SH3BGRL: variants seen among roughly 807,000 people sequenced by gnomAD.
SH3BGRL encodes the protein SH3 domain binding glutamate rich protein like.
SH3BGRL carries 7 observed loss-of-function variants against 9.8 expected under a neutral mutation model. The observed-to-expected ratio is 0.72, with a 90% CI of 0.41 to 1.35. The LOEUF (loss-of-function observed/expected upper bound fraction) is 1.35. Among genes scored for constraint, SH3BGRL ranks in the 40% most tolerant of loss-of-function variants. SH3BGRL has a pLI of 0.01. For missense variants in SH3BGRL, 73 were observed against 84.4 expected, an observed-to-expected ratio of 0.86 and a Z score of 0.53; for synonymous variants, 36 against 29.1, an observed-to-expected ratio of 1.24 and a Z score of -0.76.
chrX:81,262,176 T>C (rs770552149), intron 1 of SH3BGRL, among the ~76,000 whole-genome samples: 4 of 111,342 alleles, frequency 3.6e-5, no homozygotes, highest in African/African-American at 1.3e-4. Context: ...GGAGCTTTTA[T>C]AAAAGCACCT....
At chrX:81,287,276 G>C (rs1181787662) in intron 3 of SH3BGRL, among the ~76,000 whole-genome samples, 1 of 111,756 alleles carries the variant, frequency 8.9e-6, no homozygotes, top group Admixed American at 9.5e-5. Context: ...AAAAATCATA[G>C]ATGAAAATGA....
chrX:81,237,233 A>G (rs767583172), intron 1 of SH3BGRL: 11 of 351,716 alleles, frequency 3.1e-5, no homozygotes, highest in Admixed American at 2.2e-4. Flanking sequence ...CAATTTAACA[A>G]CTATCTACAT....
intron 3 of SH3BGRL, among the ~76,000 whole-genome samples, chrX:81,290,617 G>C (rs2075854537): frequency 1.8e-5 from 2 of 110,309 alleles, no homozygotes; most frequent in Non-Finnish European, 3.8e-5. Context: ...TTGGTTAATG[G>C]CACAAAAAAC....
intron 1 of SH3BGRL, among the ~76,000 whole-genome samples, chrX:81,219,077 A>G (rs1029004813): frequency 5.5e-5 from 6 of 109,930 alleles, no homozygotes; most frequent in African/African-American, 2.0e-4. Flanking sequence ...TGGCCTTGCT[A>G]GAGATCTAGA....
At chrX:81,251,504 T>A (rs1353846474) in intron 1 of SH3BGRL, among the ~76,000 whole-genome samples, 3 of 111,274 alleles carry the variant, frequency 2.7e-5, no homozygotes, top group Non-Finnish European at 5.7e-5. Context: ...ATTGTGCTGT[T>A]TAGTTTGAAT....
intron 1 of SH3BGRL, among the ~76,000 whole-genome samples, chrX:81,219,721 GT>G (rs1173169897): frequency 9.0e-6 from 1 of 111,120 alleles, no homozygotes; most frequent in Non-Finnish European, 1.9e-5. Flanking sequence ...AAGCCTTTCA[GT>G]TTTTTTCCCA....
At chrX:81,214,304 G>A (rs187143682) in intron 1 of SH3BGRL, among the ~76,000 whole-genome samples, 20 of 111,617 alleles carry the variant, frequency 1.8e-4, no homozygotes, top group Non-Finnish European at 3.6e-4. Flanking sequence ...TTAAGAAATG[G>A]AGCAAATAAT....
chrX:81,241,723 C>T (rs746526711), intron 1 of SH3BGRL, among the ~76,000 whole-genome samples: 19 of 111,911 alleles, frequency 1.7e-4, no homozygotes, highest in East Asian at 2.8e-4. Context: ...AGGGGGTCCC[C>T]GAGCCAGAGA....
chrX:81,289,142 T>C (rs2075847702), intron 3 of SH3BGRL, among the ~76,000 whole-genome samples: 1 of 112,106 alleles, frequency 8.9e-6, no homozygotes, highest in Admixed American at 9.4e-5. Flanking sequence ...GTGAACTCAT[T>C]TTTGACAAAG....
intron 1 of SH3BGRL, among the ~76,000 whole-genome samples, chrX:81,243,546 T>C (rs1051187844): frequency 2.7e-5 from 3 of 111,451 alleles, no homozygotes; most frequent in Non-Finnish European, 5.7e-5. Context: ...ATAATTGTAT[T>C]GTTTATAGCA....
rs900822782 is a variant in SH3BGRL, at chrX:81,278,372, G to A, written c.273G>A (p.Val91=). ...TTGAAGCCAGAGAAAATAATGCAGT[G>A]TATGCCTTCTTAGGCTTGACAGCCC... ...AFFEARENNA[V]YAFLGLTAPP... is the part of the protein sequence containing the mutation. The change falls in exon 3 of 4, where the codon GTG becomes GTA. Residue 91 remains valine, a synonymous_variant. Coordinates refer to ENST00000373212, the MANE Select transcript of SH3BGRL (RefSeq NM_003022.3). The A allele has an allele frequency of 8.3e-7, 1 of 1,201,089 alleles. No individual in the cohort carries two copies. Among genetic ancestry groups the A allele is most frequent in the Middle Eastern group, 2.3e-4 (1 of 4,310 alleles).
chrX:81,250,417 A>C (rs924331213), intron 1 of SH3BGRL, among the ~76,000 whole-genome samples: 1 of 110,742 alleles, frequency 9.0e-6, no homozygotes, highest in Admixed American at 9.5e-5. Flanking sequence ...AAAAAAAAAA[A>C]AAAATAAAAT....
chrX:81,209,813 A>G (rs1360805724), intron 1 of SH3BGRL, among the ~76,000 whole-genome samples: 1 of 111,416 alleles, frequency 9.0e-6, no homozygotes. Context: ...GTTCTTTTAA[A>G]ATGTGGTTCT....
intron 1 of SH3BGRL, among the ~76,000 whole-genome samples, chrX:81,207,773 A>C (rs963947101): frequency 1.8e-5 from 2 of 111,855 alleles, no homozygotes; most frequent in Non-Finnish European, 3.8e-5. Context: ...GTGGAGACTC[A>C]AGATCAGTGC....
chrX:81,211,687 C>T (rs2075565171), intron 1 of SH3BGRL, among the ~76,000 whole-genome samples: 1 of 111,033 alleles, frequency 9.0e-6, no homozygotes, highest in South Asian at 3.8e-4. Context: ...GGTAGAAAAA[C>T]GTGAAAAAGA....
rs772636457 is a variant in SH3BGRL at position 81,211,542 on chromosome X, G to C, written c.45+9297G>C. ...GCGGAGCTTGCAGTGATCCGAGATC[G>C]TGCCACTGCACTCCAGCCTGGGCTA... On this transcript the variant is annotated intron_variant, in intron 1 of 3. Coordinates refer to ENST00000373212, the MANE Select transcript of SH3BGRL (RefSeq NM_003022.3). 3.6e-4 allele frequency among the ~76,000 whole-genome samples: 40 copies of C among 110,443 alleles called. No individual in the cohort carries two copies. In the East Asian group the frequency reaches 7.5e-3, roughly 21 times the overall value.
chrX:81,268,451 T>A (rs1465560737), intron 1 of SH3BGRL, among the ~76,000 whole-genome samples: 1 of 111,840 alleles, frequency 8.9e-6, no homozygotes, highest in African/African-American at 3.3e-5. Flanking sequence ...AAGAACATCT[T>A]TATTTCTGCC....
At chrX:81,217,632 C>T (rs1457591818) in intron 1 of SH3BGRL, among the ~76,000 whole-genome samples, 1 of 111,096 alleles carries the variant, frequency 9.0e-6, no homozygotes, top group African/African-American at 3.3e-5. Context: ...ATAGAATTTT[C>T]ATTTTCTTAA....
At chrX:81,208,449 C>A (rs1382461691) in intron 1 of SH3BGRL, among the ~76,000 whole-genome samples, 2 of 112,066 alleles carry the variant, frequency 1.8e-5, no homozygotes, top group African/African-American at 6.5e-5. Flanking sequence ...TCTTTAAAAT[C>A]TTTTATGAAA....
Sources: allele counts gnomAD v4.1 joint callset (sites outside exome capture counted in the v4.1 genomes callset), GRCh38; gene constraint gnomAD v4.1.1; transcripts MANE v1.5; gene names NCBI Gene and HGNC (gene_info 2026-07-23, HGNC 2026-07-21).